SDK1: variants seen among roughly 807,000 people sequenced by gnomAD.
The protein encoded by SDK1 is sidekick cell adhesion molecule 1.
A neutral mutation model predicts 245.5 loss-of-function variants in SDK1; 157 were observed. That is an observed-to-expected ratio of 0.64 (90% CI 0.56 to 0.73). SDK1 has a LOEUF of 0.73. SDK1 is among the 30% of genes least tolerant of loss of function. The pLI, the probability that SDK1 is intolerant of heterozygous loss-of-function variation, is 0.00. For missense variants in SDK1, 3,583 were observed against 3,002.3 expected, an observed-to-expected ratio of 1.19 and a Z score of -4.52; for synonymous variants, 1,647 against 1,278.5, an observed-to-expected ratio of 1.29 and a Z score of -6.15.
At chr7:4,087,141 A>G (rs537978807) in intron 22 of SDK1, among the ~76,000 whole-genome samples, 1 of 152,306 alleles carries the variant, frequency 6.6e-6, no homozygotes, top group African/African-American at 2.4e-5. Context: ...AAGGAACCCA[A>G]CCAATTTTCT....
chr7:4,267,808 T>C lies in SDK1; in HGVS notation c.*2424T>C. ...ACCTTGATCTGTACGGAGCGGCCTG[T>C]CCGAGGCTACGCCGGCCTCCTGGCT... On this transcript the variant is annotated 3_prime_UTR_variant, in exon 45 of 45. Transcript: ENST00000404826. The C allele has an allele frequency of 1.0e-6, 1 of 985,612 alleles. No individual in the cohort carries two copies. Among genetic ancestry groups the C allele is most frequent in the African/African-American group, 1.7e-5 (1 of 57,376 alleles). 61.1% of individuals were successfully genotyped at this position (985,612 alleles called of 1,614,324 possible).
chr7:3,440,906 G>T (rs1780174868), intron 1 of SDK1, among the ~76,000 whole-genome samples: 1 of 152,190 alleles, frequency 6.6e-6, no homozygotes, highest in Non-Finnish European at 1.5e-5. Flanking sequence ...GCAATGTGTT[G>T]TGCCAGAATC....
chr7:4,091,023 C>G (rs1781755934), intron 22 of SDK1, among the ~76,000 whole-genome samples: 1 of 152,156 alleles, frequency 6.6e-6, no homozygotes, highest in African/African-American at 2.4e-5. Flanking sequence ...GCTTGGACAC[C>G]ATTCTGCTTG....
At chr7:3,975,321 G>C (rs1047428477) in intron 13 of SDK1, among the ~76,000 whole-genome samples, 1 of 152,186 alleles carries the variant, frequency 6.6e-6, no homozygotes, top group Non-Finnish European at 1.5e-5. Flanking sequence ...CACTCATCAA[G>C]GCAGTGGCCA....
intron 31 of SDK1, among the ~76,000 whole-genome samples, chr7:4,159,444 C>A (rs936253272): frequency 1.3e-5 from 2 of 152,196 alleles, no homozygotes; most frequent in African/African-American, 4.8e-5. Flanking sequence ...CAGAGCAGAA[C>A]CTGCAAGAGC....
rs1306470097 is a variant in SDK1 at position 3,310,477 on chromosome 7, C to CA, written c.298+8599dup. On this transcript the variant is annotated intron_variant, in intron 1 of 44. Transcript: ENST00000404826. ...ATGCACTAGAGAGGGATTTAAGAGG[C>CA]AAAAAATACATGGGATTTGGTCATG... Among the ~76,000 whole-genome samples, 4 of 151,900 alleles carry CA rather than the reference C, an allele frequency of 2.6e-5. No homozygotes were observed. In the East Asian group the frequency reaches 7.7e-4, roughly 29 times the overall value.
chr7:3,522,520 T>A (rs1416411287), intron 1 of SDK1, among the ~76,000 whole-genome samples: 1 of 151,146 alleles, frequency 6.6e-6, no homozygotes, highest in Non-Finnish European at 1.5e-5. Flanking sequence ...AGGGTGTTTG[T>A]CTTGATTATC....
In SDK1 at chr7:3,784,945, A is replaced by G. The variant is rs535748778; in HGVS notation, c.714-36505A>G. On this transcript the variant is annotated intron_variant, in intron 4 of 44. Transcript: ENST00000404826. Reference sequence around the variant, plus strand: ...TTATTCACAGTAGCTGAGCTGTGGAATCAGCCTAAGAGTCCATCAGCAGAT... The same window carrying G: ...TTATTCACAGTAGCTGAGCTGTGGAGTCAGCCTAAGAGTCCATCAGCAGAT... Among the ~76,000 whole-genome samples the G allele has an allele frequency of 2.6e-5, 4 of 152,388 alleles. No individual in the cohort carries two copies. In the South Asian group the frequency reaches 6.2e-4, roughly 24 times the overall value.
chr7:3,835,474 A>G (rs74854635), intron 5 of SDK1, among the ~76,000 whole-genome samples: 3 of 152,206 alleles, frequency 2.0e-5, no homozygotes, highest in East Asian at 3.9e-4. Flanking sequence ...GGACACTTTC[A>G]CTTGGAAATT....
chr7:3,709,946 C>T (rs1784997513), intron 4 of SDK1, among the ~76,000 whole-genome samples: 2 of 152,254 alleles, frequency 1.3e-5, no homozygotes, highest in South Asian at 4.1e-4. Context: ...GCCAGGTGCC[C>T]CGAGACTTAA....
At chr7:3,508,360 C>G (rs534110494) in intron 1 of SDK1, among the ~76,000 whole-genome samples, 74 of 148,396 alleles carry the variant, frequency 5.0e-4, no homozygotes, top group African/African-American at 1.7e-3. Flanking sequence ...GAATCTTGCC[C>G]TGTTGCCCTG....
chr7:3,717,994 T>C (rs1785251887), intron 4 of SDK1, among the ~76,000 whole-genome samples: 1 of 150,944 alleles, frequency 6.6e-6, no homozygotes, highest in Admixed American at 6.6e-5. Flanking sequence ...TTATGTCTCA[T>C]GAATATAGGT....
intron 1 of SDK1, among the ~76,000 whole-genome samples, chr7:3,601,504 C>G (rs1014022442): frequency 1.3e-5 from 2 of 151,812 alleles, no homozygotes; most frequent in African/African-American, 4.8e-5. Context: ...AATTTGTGAG[C>G]TTAAAGTTGT....
chr7:3,885,634 C>T (rs1305599292), intron 5 of SDK1, among the ~76,000 whole-genome samples: 3 of 152,124 alleles, frequency 2.0e-5, no homozygotes, highest in Non-Finnish European at 4.4e-5. Context: ...GTTTTCTTTC[C>T]TAAGTTGATA....
rs559615210 is a variant in SDK1 at position 3,621,037 on chromosome 7, C to T, written c.458+1798C>T. ...ACTTTAGGCAGGTGACCCATGAGCCCTCCCCTCCCGTAAGTGAAAAGAGAG... is the reference window on the plus strand; with the variant it reads ...ACTTTAGGCAGGTGACCCATGAGCCTTCCCCTCCCGTAAGTGAAAAGAGAG... On this transcript the variant is annotated intron_variant, in intron 2 of 44. Coordinates refer to ENST00000404826, the MANE Select transcript of SDK1 (RefSeq NM_152744.4). Among the ~76,000 whole-genome samples the T allele has an allele frequency of 3.3e-5, 5 of 152,236 alleles. No homozygotes were observed. In the South Asian group the frequency reaches 6.2e-4, roughly 19 times the overall value.
intron 1 of SDK1, among the ~76,000 whole-genome samples, chr7:3,377,306 T>C (rs992891856): frequency 1.4e-4 from 22 of 152,308 alleles, no homozygotes; most frequent in Non-Finnish European, 3.1e-4. Context: ...TAAATATCCA[T>C]GTTTAACGAT....
chr7:3,376,697 A>G (rs1185636620), intron 1 of SDK1, among the ~76,000 whole-genome samples: 1 of 152,178 alleles, frequency 6.6e-6, no homozygotes, highest in African/African-American at 2.4e-5. Context: ...GTCTAGTAAC[A>G]TGTCTCAAAA....
intron 22 of SDK1, among the ~76,000 whole-genome samples, chr7:4,087,406 T>G (rs1479771458): frequency 6.6e-6 from 1 of 152,180 alleles, no homozygotes; most frequent in East Asian, 1.9e-4. Flanking sequence ...TTAGAGAGGC[T>G]TTAAACTATG....
chr7:3,623,788 T>G (rs949781156), intron 2 of SDK1, among the ~76,000 whole-genome samples: 1 of 152,208 alleles, frequency 6.6e-6, no homozygotes, highest in African/African-American at 2.4e-5. Context: ...GCACAATATT[T>G]ATTATTGTAA....
Sources: allele counts gnomAD v4.1 joint callset (sites outside exome capture counted in the v4.1 genomes callset), GRCh38; gene constraint gnomAD v4.1.1; transcripts MANE v1.5; gene names NCBI Gene and HGNC (gene_info 2026-07-23, HGNC 2026-07-21).